The following ELMO1 variants were observed in gnomAD, a reference collection of about 807,000 sequenced individuals.
ELMO1 encodes the protein engulfment and cell motility protein 1.
A neutral mutation model predicts 98.9 loss-of-function variants in ELMO1; 26 were observed. The observed-to-expected ratio is 0.26, with a 90% CI of 0.19 to 0.36. The LOEUF is 0.36. Among genes scored for constraint, ELMO1 ranks in the 10% least tolerant of loss-of-function variants. The pLI, the probability that ELMO1 is intolerant of heterozygous loss-of-function variation, is 1.00. For synonymous variants in ELMO1, 346 were observed against 346.0 expected (o/e 1.00, Z 0.00); for missense variants, 627 against 935.2 (o/e 0.67, Z 4.30).
intron 16 of ELMO1, among the ~76,000 whole-genome samples, chr7:36,934,170 G>A (rs1171909186): frequency 6.6e-6 from 1 of 152,212 alleles, no homozygotes; most frequent in South Asian, 2.1e-4. Context: ...ATGATAGCAA[G>A]AAACGGACTG....
At chr7:37,091,320 TGGTCTC>T (rs1784075769) in intron 15 of ELMO1, among the ~76,000 whole-genome samples, 1 of 152,172 alleles carries the variant, frequency 6.6e-6, no homozygotes, top group African/African-American at 2.4e-5. Flanking sequence ...TTGGCCAGGC[TGGTCTC>T]GAACTCCTGA....
intron 14 of ELMO1, among the ~76,000 whole-genome samples, chr7:37,121,016 G>C (rs1359863196): frequency 6.6e-6 from 1 of 152,226 alleles, no homozygotes; most frequent in Non-Finnish European, 1.5e-5. Flanking sequence ...GGCAAACAGA[G>C]TCTGGAGTGG....
At chr7:37,377,833 A>C (rs1017969201) in intron 1 of ELMO1, among the ~76,000 whole-genome samples, 3 of 152,196 alleles carry the variant, frequency 2.0e-5, no homozygotes, top group Non-Finnish European at 2.9e-5. Context: ...ATAAGCATCA[A>C]AAAGCACAAC....
chr7:37,075,065 T>C (rs996597723), intron 15 of ELMO1, among the ~76,000 whole-genome samples: 5 of 152,150 alleles, frequency 3.3e-5, no homozygotes, highest in Non-Finnish European at 7.4e-5. Context: ...ATAAAAGGTG[T>C]GTAACACTTA....
intron 14 of ELMO1, among the ~76,000 whole-genome samples, chr7:37,102,850 G>T (rs1784711649): frequency 6.6e-6 from 1 of 152,194 alleles, no homozygotes; most frequent in Admixed American, 6.5e-5. Flanking sequence ...ATTGAAAACA[G>T]AAAGGGTGAA....
chr7:36,933,325 G>C (rs1230783442), intron 16 of ELMO1, among the ~76,000 whole-genome samples: 2 of 152,176 alleles, frequency 1.3e-5, no homozygotes, highest in Non-Finnish European at 2.9e-5. Context: ...AGGTGCCCCA[G>C]ACAGGAAGAA....
intron 15 of ELMO1, among the ~76,000 whole-genome samples, chr7:37,077,326 A>G (rs1315360679): frequency 6.6e-6 from 1 of 152,194 alleles, no homozygotes; most frequent in Non-Finnish European, 1.5e-5. Context: ...TCTGAATTGT[A>G]CAAGCACAGG....
intron 16 of ELMO1, among the ~76,000 whole-genome samples, chr7:36,950,315 C>A (rs1032790034): frequency 6.6e-6 from 1 of 152,200 alleles, no homozygotes; most frequent in Non-Finnish European, 1.5e-5. Context: ...CCCACAGTAG[C>A]TTTTTATGTA....
intron 15 of ELMO1, among the ~76,000 whole-genome samples, chr7:37,021,166 T>C (rs761941410): frequency 5.9e-5 from 9 of 151,704 alleles, no homozygotes; most frequent in Non-Finnish European, 1.2e-4. Flanking sequence ...GTGGGAGAGG[T>C]GAAAAGAGGA....
At chr7:37,025,736 T>C (rs1356019055) in intron 15 of ELMO1, among the ~76,000 whole-genome samples, 2 of 152,054 alleles carry the variant, frequency 1.3e-5, no homozygotes, top group African/African-American at 4.8e-5. Flanking sequence ...AGCTTTCAGA[T>C]GGCAGTTTGT....
intron 16 of ELMO1, among the ~76,000 whole-genome samples, chr7:36,901,472 C>A (rs1806501504): frequency 6.6e-6 from 1 of 152,128 alleles, no homozygotes; most frequent in African/African-American, 2.4e-5. Flanking sequence ...TAATGACAGA[C>A]AATATATAAG....
rs111420255 is a variant in ELMO1, at chr7:37,432,522, G to A, written c.-74+16153C>T. Among the ~76,000 whole-genome samples, 1,092 of 152,318 alleles carry A rather than the reference G, an allele frequency of 7.2e-3. 12 individuals carry two copies. The highest frequency in any genetic ancestry group is 0.023 in the African/African-American group (962 of 41,558). On this transcript the variant is annotated intron_variant, in intron 1 of 21. Coordinates refer to ENST00000310758, the MANE Select transcript of ELMO1 (RefSeq NM_014800.11). ...CTGCACTTGAACATCAGGATAAATT[G>A]TTCCAGAGATGAAGAGCCAAGACAC... is the stretch of plus-strand genomic sequence containing the variant.
intron 14 of ELMO1, among the ~76,000 whole-genome samples, chr7:37,103,664 A>C (rs1784769974): frequency 6.6e-6 from 1 of 151,948 alleles, no homozygotes; most frequent in African/African-American, 2.4e-5. Context: ...GTACCCTAAG[A>C]CTTAAAGTAT....
At chr7:37,094,542 T>C (rs1184930265) in intron 15 of ELMO1, among the ~76,000 whole-genome samples, 2 of 152,104 alleles carry the variant, frequency 1.3e-5, no homozygotes, top group African/African-American at 2.4e-5. Flanking sequence ...CTGCCCAGAT[T>C]CTTGCCAGCT....
chr7:37,286,977 G>A (rs957478975), intron 4 of ELMO1, among the ~76,000 whole-genome samples: 1 of 152,114 alleles, frequency 6.6e-6, no homozygotes, highest in Non-Finnish European at 1.5e-5. Flanking sequence ...GGCAGATCAC[G>A]AGGTCAGGAG....
chr7:37,011,789 A>G (rs1024223306), intron 16 of ELMO1, among the ~76,000 whole-genome samples: 4 of 152,190 alleles, frequency 2.6e-5, no homozygotes, highest in African/African-American at 9.6e-5. Context: ...GCCAATTTCA[A>G]AGACTACTGA....
chr7:36,970,548 C>T (rs1369491923), intron 16 of ELMO1, among the ~76,000 whole-genome samples: 1 of 152,184 alleles, frequency 6.6e-6, no homozygotes, highest in Non-Finnish European at 1.5e-5. Context: ...TCTAAGATCC[C>T]TGAGAGCAAA....
chr7:36,906,141 C>T (rs900514959), intron 16 of ELMO1, among the ~76,000 whole-genome samples: 37 of 152,184 alleles, frequency 2.4e-4, no homozygotes, highest in African/African-American at 7.5e-4. Flanking sequence ...CAGAGGAAAT[C>T]GAAGACCACT....
chr7:37,128,566 C>G (rs1370094004), intron 14 of ELMO1, among the ~76,000 whole-genome samples: 1 of 152,176 alleles, frequency 6.6e-6, no homozygotes, highest in Non-Finnish European at 1.5e-5. Flanking sequence ...CAGTTACACC[C>G]ACTGCTTTCA....
Sources: allele counts gnomAD v4.1 joint callset (sites outside exome capture counted in the v4.1 genomes callset), GRCh38; gene constraint gnomAD v4.1.1; transcripts MANE v1.5; gene names NCBI Gene and HGNC (gene_info 2026-07-23, HGNC 2026-07-21).